PBX1: variants seen among roughly 807,000 people sequenced by gnomAD.
The protein encoded by PBX1 is pre-B-cell leukemia transcription factor 1.
PBX1 carries 6 observed loss-of-function variants against 53.4 expected under a neutral mutation model. The ratio of observed to expected loss-of-function variants is 0.11; its 90% CI spans 0.06 to 0.22. The LOEUF is 0.22. Among genes scored for constraint, PBX1 ranks in the 10% least tolerant of loss-of-function variants. The pLI is 1.00. For synonymous variants in PBX1, 204 were observed against 212.3 expected (o/e 0.96, Z 0.34); for missense variants, 251 against 551.4 (o/e 0.46, Z 5.46).
At chr1:164,862,985 T>C (rs141749517) in intron 2 of PBX1, among the ~76,000 whole-genome samples, 54 of 152,360 alleles carry the variant, frequency 3.5e-4, no homozygotes, top group African/African-American at 1.3e-3. Flanking sequence ...TCTGTCCTTT[T>C]CATTGAATTG....
At chr1:164,768,217 C>T (rs1426491439) in intron 2 of PBX1, among the ~76,000 whole-genome samples, 2 of 152,176 alleles carry the variant, frequency 1.3e-5, no homozygotes, top group African/African-American at 2.4e-5. Context: ...CTTTATTTTA[C>T]AGTTGAGGAA....
At chr1:164,869,399 G>C (rs911863382) in intron 2 of PBX1, among the ~76,000 whole-genome samples, 2 of 152,170 alleles carry the variant, frequency 1.3e-5, no homozygotes, top group Non-Finnish European at 2.9e-5. Context: ...CTCCAAGTGG[G>C]TCTGGCAGAT....
At chr1:164,787,116 G>T (rs1668238400) in intron 2 of PBX1, among the ~76,000 whole-genome samples, 1 of 152,180 alleles carries the variant, frequency 6.6e-6, no homozygotes, top group Non-Finnish European at 1.5e-5. Flanking sequence ...CTGGTAGGAT[G>T]TGGTAAAGAC....
chr1:164,809,917 C>G (rs776562521), intron 5 of PBX1, among the ~76,000 whole-genome samples: 1 of 152,162 alleles, frequency 6.6e-6, no homozygotes, highest in African/African-American at 2.4e-5. Flanking sequence ...TTGAGTGTCA[C>G]CCTAATTCTG....
intron 2 of PBX1, among the ~76,000 whole-genome samples, chr1:164,611,339 G>A (rs1366382425): frequency 6.6e-6 from 1 of 152,144 alleles, no homozygotes; most frequent in African/African-American, 2.4e-5. Context: ...CCGGGTTCAT[G>A]CCATTCTTCT....
intron 8 of PBX1, among the ~76,000 whole-genome samples, chr1:164,844,115 C>CTTTTTTTT (rs773961576): frequency 1.6e-5 from 1 of 61,096 alleles, no homozygotes; most frequent in Non-Finnish European, 3.3e-5. Context: ...TTCTTTCTTT[C>CTTTTTTTT]TTTTTTTTTT....
At chr1:164,698,750 C>G (rs1662934407) in intron 2 of PBX1, among the ~76,000 whole-genome samples, 1 of 152,200 alleles carries the variant, frequency 6.6e-6, no homozygotes, top group South Asian at 2.1e-4. Context: ...CTGTGCCAGA[C>G]TATATACATG....
At chr1:164,596,763 T>G (rs974184086) in intron 2 of PBX1, among the ~76,000 whole-genome samples, 14 of 152,232 alleles carry the variant, frequency 9.2e-5, no homozygotes, top group African/African-American at 3.4e-4. Flanking sequence ...CCTAGTGTAT[T>G]AAGAATTAAG....
At chr1:164,685,583 G>A (rs935266546) in intron 2 of PBX1, among the ~76,000 whole-genome samples, 2 of 152,188 alleles carry the variant, frequency 1.3e-5, no homozygotes, top group East Asian at 1.9e-4. Context: ...AAAGGGAAGA[G>A]GGTCCAGAGA....
intron 2 of PBX1, among the ~76,000 whole-genome samples, chr1:164,586,610 A>G (rs762247220): frequency 1.3e-5 from 2 of 152,198 alleles, no homozygotes; most frequent in African/African-American, 2.4e-5. Context: ...TGGGCGTAAA[A>G]TGCTTTGTAA....
intron 2 of PBX1, among the ~76,000 whole-genome samples, chr1:164,860,695 C>A (rs1319368142): frequency 6.6e-6 from 1 of 152,122 alleles, no homozygotes; most frequent in Non-Finnish European, 1.5e-5. Context: ...CTGAAGTTAT[C>A]CACCTCTCCA....
chr1:164,712,709 C>T (rs1186908758), intron 2 of PBX1, among the ~76,000 whole-genome samples: 1 of 152,130 alleles, frequency 6.6e-6, no homozygotes, highest in African/African-American at 2.4e-5. Flanking sequence ...TGAGGGAAAA[C>T]ACGTGCAGGT....
At chr1:164,743,109 A>C (rs1292936040) in intron 2 of PBX1, among the ~76,000 whole-genome samples, 2 of 152,184 alleles carry the variant, frequency 1.3e-5, no homozygotes, top group East Asian at 3.9e-4. Flanking sequence ...AGCTAGCCTA[A>C]AGGGGGTGCC....
In PBX1 at chr1:164,675,451, C is replaced by G. The variant is rs778267582; in HGVS notation, c.265+112140C>G. The stretch of plus-strand genomic sequence containing the variant: ...ATCATGTTTGTCTGTCTTCCTAGCT[C>G]CTCTCTGGGGGAGGCAGCAGTCTGC... On this transcript the variant is annotated intron_variant, in intron 2 of 8. Coordinates refer to ENST00000420696, the MANE Select transcript of PBX1 (RefSeq NM_002585.4). 1.1e-4 allele frequency among the ~76,000 whole-genome samples: 16 copies of G among 152,248 alleles called. No individual in the cohort carries two copies. In the East Asian group the frequency reaches 3.1e-3, roughly 30 times the overall value.
chr1:164,667,956 A>C (rs1660901193), intron 2 of PBX1, among the ~76,000 whole-genome samples: 1 of 152,216 alleles, frequency 6.6e-6, no homozygotes, highest in African/African-American at 2.4e-5. Context: ...CTGGCTGTAC[A>C]CAAATGGCTG....
intron 2 of PBX1, among the ~76,000 whole-genome samples, chr1:164,591,247 A>C (rs942526095): frequency 1.3e-5 from 2 of 152,118 alleles, no homozygotes; most frequent in Admixed American, 1.3e-4. Flanking sequence ...CCTGGCCTCA[A>C]GTGATCTGCC....
At chr1:164,708,403 C>T (rs61801348) in intron 2 of PBX1, among the ~76,000 whole-genome samples, 1 of 151,646 alleles carries the variant, frequency 6.6e-6, no homozygotes, top group Non-Finnish European at 1.5e-5. Flanking sequence ...ATTTTCTTTT[C>T]TTTTAATTTA....
intron 2 of PBX1, among the ~76,000 whole-genome samples, chr1:164,611,437 A>G (rs1370878131): frequency 6.6e-6 from 1 of 151,896 alleles, no homozygotes; most frequent in Non-Finnish European, 1.5e-5. Context: ...ACGGGGTTTC[A>G]CCGTGTTAGC....
At chr1:164,623,015 G>C (rs1243795295) in intron 2 of PBX1, among the ~76,000 whole-genome samples, 1 of 151,884 alleles carries the variant, frequency 6.6e-6, no homozygotes, top group Non-Finnish European at 1.5e-5. Context: ...GAGTTTTGCC[G>C]TGTTGGCCAG....
Sources: allele counts gnomAD v4.1 joint callset (sites outside exome capture counted in the v4.1 genomes callset), GRCh38; gene constraint gnomAD v4.1.1; transcripts MANE v1.5; gene names NCBI Gene and HGNC (gene_info 2026-07-23, HGNC 2026-07-21).